The following ASIC2 variants were observed in gnomAD, a reference collection of about 807,000 sequenced individuals.
ASIC2 encodes the protein acid-sensing ion channel 2.
Under a neutral mutation model 57.3 loss-of-function variants are expected in ASIC2, and 25 were observed. That is an observed-to-expected ratio of 0.44 (90% CI 0.32 to 0.61). The LOEUF (loss-of-function observed/expected upper bound fraction) is 0.61, where lower values mean the gene tolerates loss of function less well. ASIC2 is among the 20% of genes least tolerant of loss of function. The probability of loss-of-function intolerance (pLI) is 0.06; values close to 1 mark genes in which losing one functional copy is unlikely to be tolerated. For missense variants in ASIC2, 641 were observed against 738.1 expected (o/e 0.87, Z 1.52); for synonymous variants, 319 against 307.5 (o/e 1.04, Z -0.39).
intron 1 of ASIC2, among the ~76,000 whole-genome samples, chr17:34,153,315 C>T (rs1904595881): frequency 6.6e-6 from 1 of 152,206 alleles, no homozygotes; most frequent in Non-Finnish European, 1.5e-5. Flanking sequence ...AGTCACCTAG[C>T]ATGGTACAAT....
intron 1 of ASIC2, among the ~76,000 whole-genome samples, chr17:33,131,072 G>C (rs1339155709): frequency 6.6e-6 from 1 of 152,174 alleles, no homozygotes; most frequent in Non-Finnish European, 1.5e-5. Flanking sequence ...GTGGGCACCT[G>C]GCATAGAGCC....
At chr17:34,116,600 T>A (rs1911430180) in intron 1 of ASIC2, among the ~76,000 whole-genome samples, 1 of 152,164 alleles carries the variant, frequency 6.6e-6, no homozygotes. Context: ...TTCTTACCAA[T>A]CAGCTTTCAT....
intron 1 of ASIC2, among the ~76,000 whole-genome samples, chr17:33,551,762 C>T (rs991528498): frequency 1.4e-4 from 22 of 152,158 alleles, no homozygotes; most frequent in African/African-American, 5.1e-4. Context: ...GATGTAAAAG[C>T]CAGATATTGT....
intron 1 of ASIC2, among the ~76,000 whole-genome samples, chr17:33,699,288 C>T (rs958433004): frequency 6.6e-6 from 1 of 152,138 alleles, no homozygotes; most frequent in African/African-American, 2.4e-5. Context: ...CCATCCTTAG[C>T]GTGGAGCTTC....
At chr17:33,561,560 G>A (rs1021125224) in intron 1 of ASIC2, among the ~76,000 whole-genome samples, 3 of 152,268 alleles carry the variant, frequency 2.0e-5, no homozygotes, top group Admixed American at 6.5e-5. Context: ...CTTGTTAGTG[G>A]ACTCTTCTTC....
intron 1 of ASIC2, among the ~76,000 whole-genome samples, chr17:33,854,461 A>G (rs1353253227): frequency 3.3e-5 from 5 of 152,324 alleles, no homozygotes; most frequent in Non-Finnish European, 7.3e-5. Flanking sequence ...TGCAGTGAAC[A>G]TATATATTTA....
intron 1 of ASIC2, among the ~76,000 whole-genome samples, chr17:34,016,423 CAAA>C (rs398041640): frequency 4.8e-5 from 2 of 41,450 alleles, no homozygotes; most frequent in African/African-American, 8.3e-5. Flanking sequence ...GACTCCGTCT[CAAA>C]AAAAAAAAAA....
intron 1 of ASIC2, among the ~76,000 whole-genome samples, chr17:33,128,656 G>A (rs1283069323): frequency 1.3e-5 from 2 of 152,202 alleles, no homozygotes; most frequent in Non-Finnish European, 2.9e-5. Context: ...GCCAGAATTT[G>A]TATCCCCATT....
At chr17:33,461,109 T>G (rs1159473066) in intron 1 of ASIC2, among the ~76,000 whole-genome samples, 1 of 152,150 alleles carries the variant, frequency 6.6e-6, no homozygotes, top group Non-Finnish European at 1.5e-5. Context: ...ATATAAGAAA[T>G]GTAACCAACC....
chr17:33,044,564 G>A (rs1227128967), intron 3 of ASIC2, among the ~76,000 whole-genome samples: 1 of 152,082 alleles, frequency 6.6e-6, no homozygotes, highest in Admixed American at 6.5e-5. Flanking sequence ...GTTTCACCAT[G>A]TTGGTCAGGC....
Position 33,832,905 on chromosome 17 carries a change from C to T in ASIC2, c.555+323073G>A, listed in dbSNP as rs563067566. ...TTATAGTGGAGACTTAGAACCAACA[C>T]GGGCACCTACTGTTAGAATATGGAC... On this transcript the variant is annotated intron_variant, in intron 1 of 9. Coordinates refer to the ASIC2 transcript ENST00000359872. Among the ~76,000 whole-genome samples the T allele has an allele frequency of 4.6e-5, 7 of 152,244 alleles. No homozygotes were observed. In the East Asian group the frequency reaches 5.8e-4, roughly 13 times the overall value.
chr17:33,712,591 A>G (rs533916615), intron 1 of ASIC2, among the ~76,000 whole-genome samples: 108 of 149,756 alleles, frequency 7.2e-4, no homozygotes, highest in Non-Finnish European at 1.3e-3. Context: ...TCAAGGCTCA[A>G]CTGCATGTGA....
In ASIC2 at chr17:33,210,318, G is replaced by A. The variant is rs1310877975; in HGVS notation, c.708+81090C>T. On this transcript the variant is annotated intron_variant, in intron 1 of 9. Coordinates refer to ENST00000225823, the MANE Select transcript of ASIC2 (RefSeq NM_183377.2). ...TGAAAATATGAGCCGCCTCTGAGCT[G>A]AGCCTACTTCCTCATGTGGTCCAGT... Among the ~76,000 whole-genome samples the A allele has an allele frequency of 7.2e-5, 11 of 152,336 alleles. No homozygotes were observed. In the East Asian group the frequency reaches 1.7e-3, roughly 24 times the overall value.
rs376598391 is a variant in ASIC2, at chr17:33,017,572, G to T, written c.1521+33C>A. ...GGGCACGATGAGGGCACCAGCATGC[G>T]GTCATTTCCCTGTGGGGAATCCCAA... On this transcript the variant is annotated intron_variant, in intron 8 of 9. Transcript: ENST00000225823. The T allele has an allele frequency of 1.8e-5, 29 of 1,578,226 alleles. No homozygotes were observed. The African/African-American group carries it at 3.4e-4, about 18-fold the overall frequency.
At chr17:33,621,821 T>A (rs1905811204) in intron 1 of ASIC2, among the ~76,000 whole-genome samples, 1 of 152,246 alleles carries the variant, frequency 6.6e-6, no homozygotes, top group Admixed American at 6.5e-5. Context: ...CTTCTAAATC[T>A]TGTAGATTTA....
chr17:34,002,043 T>C (rs148920816), intron 1 of ASIC2: 6 of 152,390 alleles, frequency 3.9e-5, no homozygotes, highest in African/African-American at 1.4e-4. Flanking sequence ...TCCCTCAAGA[T>C]TCAAACTCTC....
At chr17:33,321,923 T>A (rs1435694338) in intron 1 of ASIC2, among the ~76,000 whole-genome samples, 4 of 152,164 alleles carry the variant, frequency 2.6e-5, no homozygotes, top group Non-Finnish European at 4.4e-5. Context: ...GCATTAGAAG[T>A]TAAACTGTAG....
intron 1 of ASIC2, among the ~76,000 whole-genome samples, chr17:33,254,363 T>C (rs1434828362): frequency 1.3e-5 from 2 of 152,230 alleles, no homozygotes; most frequent in Non-Finnish European, 2.9e-5. Context: ...GACATGATCA[T>C]ACCATCTTGG....
At chr17:33,797,717 C>T (rs1463708498) in intron 1 of ASIC2, among the ~76,000 whole-genome samples, 1 of 152,136 alleles carries the variant, frequency 6.6e-6, no homozygotes, top group Non-Finnish European at 1.5e-5. Flanking sequence ...TTGCGCTTCC[C>T]TGGTTCTATT....
Sources: gnomAD v4.1 joint callset for allele counts (sites outside exome capture counted in the v4.1 genomes callset) on GRCh38, gnomAD v4.1.1 for gene constraint, MANE v1.5 for transcripts, NCBI Gene and HGNC (gene_info 2026-07-23, HGNC 2026-07-21) for gene names.